The following BBOX1 variants were observed in gnomAD, a reference collection of about 807,000 sequenced individuals.
BBOX1 encodes the protein gamma-butyrobetaine dioxygenase.
In BBOX1, 35 loss-of-function variants were observed where a neutral mutation model predicts 41.6. That is an observed-to-expected ratio of 0.84 (90% CI 0.64 to 1.11). BBOX1 has a LOEUF of 1.11. Among genes scored for constraint, BBOX1 ranks in the 50% most tolerant of loss-of-function variants. BBOX1 has a pLI of 0.00. For synonymous variants in BBOX1, 163 were observed against 154.7 expected (o/e 1.05, Z -0.40); for missense variants, 458 against 460.6 (o/e 0.99, Z 0.05).
At chr11:27,107,572 A>G (rs2134077006) in intron 5 of BBOX1, among the ~76,000 whole-genome samples, 1 of 152,080 alleles carries the variant, frequency 6.6e-6, no homozygotes, top group African/African-American at 2.4e-5. Context: ...AGTCACAGCC[A>G]TTCTCAGTAA....
At position 27,093,326 on chromosome 11, in the gene BBOX1, C is replaced by T; in HGVS notation, c.493C>T (p.Leu165Phe). The part of the protein sequence containing the change: ...ASDKPGEVSK[L>F]GKRMGFLYLT... ...TGACAAACCAGGAGAAGTTTCAAAA[C>T]TTGGGAAAAGGATGGGTTTCCTCTA... is the stretch of plus-strand genomic sequence containing the variant. Residue 165 changes from leucine to phenylalanine, a missense_variant, in exon 5 of 9, where the codon CTT becomes TTT. By Grantham distance (22) the Leu-to-Phe change is conservative (BLOSUM62 0). Coordinates refer to ENST00000263182, the MANE Select transcript of BBOX1 (RefSeq NM_003986.3). 1 of 1,612,442 alleles carries T rather than the reference C, an allele frequency of 6.2e-7. No individual in the cohort carries two copies. Among genetic ancestry groups the T allele is most frequent in the South Asian group, 1.1e-5 (1 of 91,042 alleles).
chr11:27,123,635 CACTGT>C (rs1859545252), intron 7 of BBOX1, among the ~76,000 whole-genome samples: 2 of 152,260 alleles, frequency 1.3e-5, no homozygotes, highest in African/African-American at 2.4e-5. Context: ...TGGCCTCAGA[CACTGT>C]GACAGAGGTC....
intron 4 of BBOX1, among the ~76,000 whole-genome samples, chr11:27,070,706 A>ATTTTTTTTTTTTTTTTTTTTTTTTTTTT (rs58041903): frequency 1.5e-5 from 2 of 133,726 alleles, no homozygotes; most frequent in Non-Finnish European, 3.2e-5. Flanking sequence ...TTTGTGATTG[A>ATTTTTTTTTTTTTTTTTTTTTTTTTTTT]TTTTTTTTTT....
intron 8 of BBOX1, 151 bp downstream of exon 8, chr11:27,125,971 G>T (rs572130376): frequency 1.4e-5 from 10 of 732,150 alleles, no homozygotes; most frequent in Non-Finnish European, 2.2e-5. Flanking sequence ...CTTATGTAGT[G>T]GACTCGTGGC....
At chr11:27,094,130 A>C (rs1432660018) in intron 5 of BBOX1, among the ~76,000 whole-genome samples, 1 of 152,024 alleles carries the variant, frequency 6.6e-6, no homozygotes, top group Non-Finnish European at 1.5e-5. Flanking sequence ...TATGTGGTTT[A>C]GTAAGTAACA....
At chr11:27,092,038 G>A (rs552248287) in intron 4 of BBOX1, among the ~76,000 whole-genome samples, 5 of 152,016 alleles carry the variant, frequency 3.3e-5, no homozygotes, top group East Asian at 1.9e-4. Flanking sequence ...AAGTGGCTCC[G>A]TGCACCTGCA....
At chr11:27,083,120 C>G (rs951345499) in intron 4 of BBOX1, among the ~76,000 whole-genome samples, 1 of 152,076 alleles carries the variant, frequency 6.6e-6, no homozygotes, top group Admixed American at 6.6e-5. Flanking sequence ...TTATGTATTT[C>G]TTCATCTTTT....
At chr11:27,079,876 A>G (rs937437440) in intron 4 of BBOX1, among the ~76,000 whole-genome samples, 1 of 152,102 alleles carries the variant, frequency 6.6e-6, no homozygotes, top group African/African-American at 2.4e-5. Context: ...CATGATACTC[A>G]TCCAACTTAT....
chr11:27,121,524 C>A (rs1191650837), intron 7 of BBOX1, among the ~76,000 whole-genome samples: 1 of 152,016 alleles, frequency 6.6e-6, no homozygotes, highest in African/African-American at 2.4e-5. Context: ...AATGGTGGTG[C>A]CTTGAACATG....
At position 27,064,023 on chromosome 11, in the gene BBOX1, A is replaced by G. The variant is rs371894183; in HGVS notation, c.334+6708A>G. The stretch of plus-strand genomic sequence containing the variant: ...CTTGTGTGTTTTTCTTAATTCAATT[A>G]ATGTACAAAAGAAATATGCCTCGCC... On this transcript the variant is annotated intron_variant, in intron 4 of 8. Transcript: ENST00000263182. Among the ~76,000 whole-genome samples, 22 of 152,322 alleles carry G rather than the reference A, an allele frequency of 1.4e-4. No homozygotes were observed. The East Asian group carries it at 4.0e-3, about 28-fold the overall frequency.
intron 5 of BBOX1, among the ~76,000 whole-genome samples, chr11:27,097,904 G>A (rs772644536): frequency 1.3e-4 from 19 of 151,836 alleles, no homozygotes; most frequent in South Asian, 6.2e-4. Context: ...ATGCAATGTC[G>A]TGCAGCCCTT....
At chr11:27,065,215 G>A (rs1299681685) in intron 4 of BBOX1, among the ~76,000 whole-genome samples, 1 of 152,088 alleles carries the variant, frequency 6.6e-6, no homozygotes, top group Non-Finnish European at 1.5e-5. Context: ...TTTTCTCACT[G>A]GTATAATTCT....
chr11:27,119,709 G>C lies in BBOX1; in HGVS notation c.700G>C (p.Gly234Arg). ...VTGGDSEIVD[G>R]FNVCQKLKKN... ...AGGGGGTGATTCAGAAATTGTAGAT[G>C]GGTTTAATGTGTGCCAAAAACTAAA... The change falls in exon 7 of 9, where the codon GGG becomes CGG. Residue 234 changes from glycine (G) to arginine (R), a missense_variant. Physicochemically the swap from Gly to Arg is moderately radical, Grantham distance 125. Coordinates refer to ENST00000263182, the MANE Select transcript of BBOX1 (RefSeq NM_003986.3). 6.3e-7 allele frequency: 1 copy of C among 1,582,798 alleles called. No individual in the cohort carries two copies. Among genetic ancestry groups the C allele is most frequent in the Non-Finnish European group, 8.6e-7 (1 of 1,167,342 alleles).
chr11:27,060,154 G>A (rs1361038787), intron 4 of BBOX1, among the ~76,000 whole-genome samples: 2 of 152,116 alleles, frequency 1.3e-5, no homozygotes, highest in African/African-American at 4.8e-5. Flanking sequence ...GGAGGTGACT[G>A]GATCACAAGG....
chr11:27,126,821 A>C (rs1564995291), intron 8 of BBOX1, among the ~76,000 whole-genome samples: 5 of 151,766 alleles, frequency 3.3e-5, no homozygotes, highest in East Asian at 1.9e-4. Context: ...GACTACAGGC[A>C]CTGCCACCAC....
chr11:27,121,386 T>C (rs1859458624), intron 7 of BBOX1, among the ~76,000 whole-genome samples: 1 of 152,172 alleles, frequency 6.6e-6, no homozygotes, highest in Non-Finnish European at 1.5e-5. Flanking sequence ...AAGATCCTGA[T>C]CAAAGGAAAG....
At chr11:27,041,644 G>A (rs1330735522) in intron 2 of BBOX1, among the ~76,000 whole-genome samples, 166 bp downstream of exon 2, 1 of 152,148 alleles carries the variant, frequency 6.6e-6, no homozygotes, top group Non-Finnish European at 1.5e-5. Context: ...ACAGTCATGT[G>A]GGCTGTGCTG....
chr11:27,086,510 C>A (rs568051696), intron 4 of BBOX1, among the ~76,000 whole-genome samples: 1 of 152,114 alleles, frequency 6.6e-6, no homozygotes, highest in Non-Finnish European at 1.5e-5. Flanking sequence ...TGTTGAGACT[C>A]ACTGCTCAGA....
chr11:27,088,143 C>T (rs1858109834), intron 4 of BBOX1, among the ~76,000 whole-genome samples: 1 of 151,888 alleles, frequency 6.6e-6, no homozygotes, highest in Non-Finnish European at 1.5e-5. Flanking sequence ...AAAAATTCAT[C>T]GAAACATGCT....
Sources: gnomAD v4.1 joint callset for allele counts (sites outside exome capture counted in the v4.1 genomes callset) on GRCh38, gnomAD v4.1.1 for gene constraint, MANE v1.5 for transcripts, NCBI Gene and HGNC (gene_info 2026-07-23, HGNC 2026-07-21) for gene names.